CACNA2D3: variants seen among roughly 807,000 people sequenced by gnomAD.
CACNA2D3 encodes voltage-dependent calcium channel subunit alpha-2/delta-3.
A neutral mutation model predicts 160.6 loss-of-function variants in CACNA2D3; 60 were observed. That is an observed-to-expected ratio of 0.37 (90% CI 0.30 to 0.46). The LOEUF (loss-of-function observed/expected upper bound fraction) is 0.46. CACNA2D3 is among the 20% of genes least tolerant of loss of function. The pLI, the probability that CACNA2D3 is intolerant of heterozygous loss-of-function variation, is 1.00. For synonymous variants in CACNA2D3, 558 were observed against 492.9 expected (o/e 1.13, Z -1.75); for missense variants, 1,205 against 1,365.0 (o/e 0.88, Z 1.85).
intron 9 of CACNA2D3, among the ~76,000 whole-genome samples, chr3:54,610,659 C>T (rs568991931): frequency 7.9e-5 from 12 of 151,966 alleles, no homozygotes; most frequent in Non-Finnish European, 1.6e-4. Context: ...GTTTCACTCT[C>T]GTCACCCAGG....
At chr3:54,901,523 C>T (rs573539581) in intron 27 of CACNA2D3, among the ~76,000 whole-genome samples, 3 of 152,224 alleles carry the variant, frequency 2.0e-5, no homozygotes, top group African/African-American at 2.4e-5. Flanking sequence ...AGTCTATTGT[C>T]GAGTTGCATC....
At chr3:54,289,369 C>G (rs1291394400) in intron 2 of CACNA2D3, among the ~76,000 whole-genome samples, 6 of 152,022 alleles carry the variant, frequency 3.9e-5, no homozygotes, top group Non-Finnish European at 7.4e-5. Context: ...AGGACCTCTT[C>G]AAGGAGAACT....
At position 54,816,955 on chromosome 3, in the gene CACNA2D3, T is replaced by A. The variant is rs1703472238; in HGVS notation, c.1398+85T>A. The A allele has an allele frequency of 2.0e-6, 3 of 1,466,762 alleles. No homozygotes were observed. In the South Asian group the frequency reaches 3.7e-5, roughly 18 times the overall value. The allele number at this position is 1,466,762 out of a possible 1,614,324, so 90.9% of individuals were successfully genotyped here. A position where few individuals can be genotyped will look rare whatever the true frequency, so the allele number is the denominator to read the frequency against. Reference sequence around the variant, plus strand: ...CATGGTGTTGTACATTTGACACTGTTCATGACCAGTGAAATGGTTTTTTTC... The same window carrying A: ...CATGGTGTTGTACATTTGACACTGTACATGACCAGTGAAATGGTTTTTTTC... On this transcript the variant is annotated intron_variant, in intron 14 of 37. Transcript: ENST00000474759.
chr3:54,576,789 C>G (rs1226390730), intron 8 of CACNA2D3, among the ~76,000 whole-genome samples: 2 of 152,098 alleles, frequency 1.3e-5, no homozygotes, highest in African/African-American at 2.4e-5. Context: ...AATCCTAGTA[C>G]TTGGGAGGCT....
chr3:54,303,818 G>GTTTTTTTTTTTTT (rs71617795), intron 2 of CACNA2D3, among the ~76,000 whole-genome samples: 21 of 115,006 alleles, frequency 1.8e-4, no homozygotes, highest in African/African-American at 5.1e-4. Context: ...CTTTTTTTCT[G>GTTTTTTTTTTTTT]TTTTTTTTTT....
At chr3:54,907,990 T>A (rs368170594) in intron 27 of CACNA2D3, among the ~76,000 whole-genome samples, 5 of 152,386 alleles carry the variant, frequency 3.3e-5, no homozygotes, top group African/African-American at 9.6e-5. Context: ...GATGCTTTTT[T>A]AGCTGTTAGT....
rs534965683 is a variant in CACNA2D3, at chr3:54,686,355, A to C, written c.1167+44114A>C. Among the ~76,000 whole-genome samples the C allele has an allele frequency of 2.6e-5, 4 of 152,356 alleles. No homozygotes were observed. The South Asian group carries it at 8.3e-4, about 32-fold the overall frequency. On this transcript the variant is annotated intron_variant, in intron 11 of 37. Transcript: ENST00000474759. Reference sequence around the variant, plus strand: ...CAACCTCTTCAATAGTACTCTGACTAGCACTTGTCATTAAACTGCAGATGG... The same window carrying C: ...CAACCTCTTCAATAGTACTCTGACTCGCACTTGTCATTAAACTGCAGATGG...
At chr3:54,165,347 T>C (rs982410034) in intron 2 of CACNA2D3, among the ~76,000 whole-genome samples, 1 of 151,932 alleles carries the variant, frequency 6.6e-6, no homozygotes, top group African/African-American at 2.4e-5. Flanking sequence ...TGAACTAGCT[T>C]ACCCTAAACT....
At chr3:54,485,021 A>G (rs1187159553) in intron 4 of CACNA2D3, among the ~76,000 whole-genome samples, 1 of 151,900 alleles carries the variant, frequency 6.6e-6, no homozygotes, top group Non-Finnish European at 1.5e-5. Context: ...TAATTTTTGT[A>G]ATTTTAGTAG....
At chr3:55,012,304 T>G (rs1032983280) in intron 34 of CACNA2D3, among the ~76,000 whole-genome samples, 14 of 147,864 alleles carry the variant, frequency 9.5e-5, no homozygotes, top group Non-Finnish European at 1.8e-4. Context: ...GTGGTGGTGG[T>G]TTTTTTTTTA....
At position 54,645,755 on chromosome 3, in the gene CACNA2D3, G is replaced by T. The variant is rs77959087; in HGVS notation, c.1167+3514G>T. ...TGAGCCCTAAACTCAAAACTCCCTA[G>T]GAACTGTCTTAAGGAAGTATAGCTT... On this transcript the variant is annotated intron_variant, in intron 11 of 37. Transcript: ENST00000474759. Among the ~76,000 whole-genome samples, 1,023 of 152,220 alleles carry T rather than the reference G, an allele frequency of 6.7e-3. 4 individuals carry two copies. Among genetic ancestry groups the T allele is most frequent in the African/African-American group, 0.024 (981 of 41,526 alleles).
rs1700281738 is a variant in CACNA2D3, at chr3:54,899,708, T to C, written c.2369-80T>C. The C allele has an allele frequency of 5.6e-6, 6 of 1,071,892 alleles. No homozygotes were observed. In the Admixed American group the frequency reaches 1.2e-4, roughly 21 times the overall value. 66.4% of individuals were successfully genotyped at this position (1,071,892 alleles called of 1,614,324 possible). A position where few individuals can be genotyped will look rare whatever the true frequency, so the allele number is the denominator to read the frequency against. On this transcript the variant is annotated intron_variant, in intron 26 of 37. Transcript: ENST00000474759. ...CAGAACAATTTGCAGAATTGGTGAC[T>C]GTAGACCGATATGATTACTCTCTTA...
chr3:54,189,238 C>A (rs1700936969), intron 2 of CACNA2D3, among the ~76,000 whole-genome samples: 1 of 152,122 alleles, frequency 6.6e-6, no homozygotes, highest in South Asian at 2.1e-4. Context: ...TGTGGGGAGT[C>A]ATATTTGCTT....
chr3:54,477,879 G>A (rs2106890617), intron 4 of CACNA2D3, among the ~76,000 whole-genome samples: 1 of 152,278 alleles, frequency 6.6e-6, no homozygotes, highest in South Asian at 2.1e-4. Flanking sequence ...ATCATTTATG[G>A]GTGGTAGAGA....
intron 4 of CACNA2D3, among the ~76,000 whole-genome samples, chr3:54,389,629 T>C (rs1237094955): frequency 1.3e-5 from 2 of 152,172 alleles, no homozygotes. Flanking sequence ...CAGAAAAATA[T>C]AACACAGTTA....
chr3:54,850,759 T>G (rs548403792), intron 17 of CACNA2D3, among the ~76,000 whole-genome samples: 1 of 152,360 alleles, frequency 6.6e-6, no homozygotes, highest in Admixed American at 6.5e-5. Context: ...CTCATTTCCA[T>G]GAAGCCTGCA....
Position 54,621,233 on chromosome 3 carries a change from A to G in CACNA2D3, c.964-6554A>G, listed in dbSNP as rs116839745. Among the ~76,000 whole-genome samples the G allele has an allele frequency of 5.8e-3, 888 of 152,370 alleles. 6 individuals carry two copies. The highest frequency in any genetic ancestry group is 0.02 in the African/African-American group (828 of 41,586). On this transcript the variant is annotated intron_variant, in intron 9 of 37. Transcript: ENST00000474759. ...TTTATTATAATTACATAGACAGGAAAAAAAACATGATTGCTGTGATCACAG... is the reference window on the plus strand; with the variant it reads ...TTTATTATAATTACATAGACAGGAAGAAAAACATGATTGCTGTGATCACAG...
intron 9 of CACNA2D3, among the ~76,000 whole-genome samples, chr3:54,608,413 C>A (rs1232235674): frequency 2.0e-5 from 3 of 152,226 alleles, no homozygotes; most frequent in Non-Finnish European, 2.9e-5. Flanking sequence ...CTTTGCTCAT[C>A]TCATTTGACC....
chr3:54,331,349 T>C (rs9834696), intron 3 of CACNA2D3, among the ~76,000 whole-genome samples: 142 of 152,312 alleles, frequency 9.3e-4, no homozygotes, highest in African/African-American at 3.2e-3. Context: ...TAGTCGTTTA[T>C]TTGCTACTCT....
Sources: gnomAD v4.1 joint callset for allele counts (sites outside exome capture counted in the v4.1 genomes callset) on GRCh38, gnomAD v4.1.1 for gene constraint, MANE v1.5 for transcripts, NCBI Gene and HGNC (gene_info 2026-07-23, HGNC 2026-07-21) for gene names.